Variants in CNTN4 observed in about 807,000 individuals in gnomAD.
CNTN4 encodes contactin 4.
A neutral mutation model predicts 122.5 loss-of-function variants in CNTN4; 77 were observed. That is an observed-to-expected ratio of 0.63 (90% CI 0.52 to 0.76). The LOEUF (loss-of-function observed/expected upper bound fraction) is 0.76, where lower values mean the gene tolerates loss of function less well. CNTN4 is among the 30% of genes least tolerant of loss of function. CNTN4 has a pLI of 0.00. For missense variants in CNTN4, 1,256 were observed against 1,259.1 expected (o/e 1.00, Z 0.04); for synonymous variants, 512 against 447.0 (o/e 1.15, Z -1.83).
At chr3:2,352,232 A>G (rs998963177) in intron 3 of CNTN4, among the ~76,000 whole-genome samples, 3 of 152,206 alleles carry the variant, frequency 2.0e-5, no homozygotes, top group Middle Eastern at 6.8e-3. Context: ...AGAGGTGACA[A>G]TGTGCTAGCA....
chr3:2,513,705 G>A (rs2076957553), intron 3 of CNTN4, among the ~76,000 whole-genome samples: 1 of 152,110 alleles, frequency 6.6e-6, no homozygotes, highest in African/African-American at 2.4e-5. Flanking sequence ...TTTGTAGTTT[G>A]CTTCTATTAC....
chr3:2,425,968 C>T (rs952068127), intron 3 of CNTN4, among the ~76,000 whole-genome samples: 1 of 152,150 alleles, frequency 6.6e-6, no homozygotes, highest in East Asian at 1.9e-4. Context: ...AGATTTTGGG[C>T]TGAGACAATG....
At chr3:2,400,441 ATATATATATC>A (rs1559520081) in intron 3 of CNTN4, among the ~76,000 whole-genome samples, 5 of 136,372 alleles carry the variant, frequency 3.7e-5, no homozygotes, top group Non-Finnish European at 8.1e-5. Flanking sequence ...ATATATATAT[ATATATATATC>A]TCTTTTTTTC....
At chr3:2,661,809 C>CAAAA (rs544079802) in intron 4 of CNTN4, among the ~76,000 whole-genome samples, 6 of 78,476 alleles carry the variant, frequency 7.6e-5, no homozygotes, top group Admixed American at 1.4e-4. Flanking sequence ...AATTCCATCT[C>CAAAA]AAAAAAAAAA....
intron 3 of CNTN4, among the ~76,000 whole-genome samples, chr3:2,423,274 T>C (rs531832483): frequency 2.0e-5 from 3 of 152,286 alleles, no homozygotes; most frequent in Admixed American, 6.5e-5. Context: ...AAGTGTCAAA[T>C]ACAAAGTTAT....
chr3:2,222,000 A>G (rs1459143145), intron 2 of CNTN4, among the ~76,000 whole-genome samples: 1 of 152,212 alleles, frequency 6.6e-6, no homozygotes, highest in Non-Finnish European at 1.5e-5. Context: ...ACAATTCCTC[A>G]AAATGCTAAA....
chr3:2,264,828 C>A (rs1215629042), intron 2 of CNTN4, among the ~76,000 whole-genome samples: 1 of 151,876 alleles, frequency 6.6e-6, no homozygotes, highest in East Asian at 1.9e-4. Flanking sequence ...GTTTCATTCT[C>A]CTGTATATAG....
chr3:2,736,275 T>C lies in CNTN4; in HGVS notation c.116T>C (p.Leu39Ser). 6.2e-7 allele frequency: 1 copy of C among 1,613,726 alleles called. No homozygotes were observed. The highest frequency in any genetic ancestry group is 8.5e-7 in the Non-Finnish European group (1 of 1,179,774). Reference sequence around the variant, plus strand: ...GAACCAAGTCCTGTAATGTTCCCTTTGGATTCTGAGGAGAAAAAAGTGAAG... The same window carrying C: ...GAACCAAGTCCTGTAATGTTCCCTTCGGATTCTGAGGAGAAAAAAGTGAAG... ...IQEPSPVMFP[L>S]DSEEKKVKLN... The change falls in exon 5 of 25, where the codon TTG (leucine) becomes TCG (serine). Residue 39 changes from leucine to serine, a missense_variant. By Grantham distance (145) the Leu-to-Ser change is moderately radical. Coordinates refer to ENST00000418658, the MANE Select transcript of CNTN4 (RefSeq NM_175607.3).
intron 2 of CNTN4, among the ~76,000 whole-genome samples, chr3:2,323,289 C>G (rs952978973): frequency 6.6e-6 from 1 of 152,024 alleles, no homozygotes; most frequent in African/African-American, 2.4e-5. Context: ...CTCTAAATGG[C>G]CAGGGGAGGG....
chr3:2,120,407 T>TATATATATATATA (rs1559261207), intron 2 of CNTN4, among the ~76,000 whole-genome samples: 1 of 32,726 alleles, frequency 3.1e-5, no homozygotes, highest in African/African-American at 1.1e-4. Context: ...ATATATATAT[T>TATATATATATATA]TTTTTTTTTT....
At chr3:2,157,536 G>C (rs554593712) in intron 2 of CNTN4, among the ~76,000 whole-genome samples, 1 of 152,280 alleles carries the variant, frequency 6.6e-6, no homozygotes, top group Non-Finnish European at 1.5e-5. Flanking sequence ...CTTTGGAGTA[G>C]TTTTTGGGCT....
chr3:2,601,835 A>C (rs934400456), intron 4 of CNTN4, among the ~76,000 whole-genome samples: 1 of 152,200 alleles, frequency 6.6e-6, no homozygotes, highest in Non-Finnish European at 1.5e-5. Flanking sequence ...TTGATGCAAA[A>C]ATTCTCAATA....
intron 2 of CNTN4, among the ~76,000 whole-genome samples, chr3:2,221,227 G>T (rs2039049195): frequency 1.3e-5 from 2 of 152,072 alleles, no homozygotes; most frequent in African/African-American, 4.8e-5. Flanking sequence ...AGTTTGTGGA[G>T]ATGGAAATTT....
chr3:2,240,068 C>A (rs973930558), intron 2 of CNTN4, among the ~76,000 whole-genome samples: 3 of 152,140 alleles, frequency 2.0e-5, no homozygotes, highest in African/African-American at 7.2e-5. Flanking sequence ...TCACTTGATT[C>A]TTCCAGGCTA....
chr3:2,190,659 C>G (rs1464749542), intron 2 of CNTN4, among the ~76,000 whole-genome samples: 2 of 151,936 alleles, frequency 1.3e-5, no homozygotes, highest in Non-Finnish European at 2.9e-5. Flanking sequence ...AGTTACAGGA[C>G]CCCCATTCTC....
chr3:2,315,288 C>T (rs755529983), intron 2 of CNTN4, among the ~76,000 whole-genome samples: 2 of 151,700 alleles, frequency 1.3e-5, no homozygotes, highest in African/African-American at 4.8e-5. Context: ...ATTGATTTAA[C>T]TTAGGTAATT....
chr3:2,761,709 T>C (rs1301883613), intron 6 of CNTN4, among the ~76,000 whole-genome samples: 1 of 152,038 alleles, frequency 6.6e-6, no homozygotes, highest in Admixed American at 6.6e-5. Flanking sequence ...TGTTCAGAGG[T>C]TTCAAACACA....
chr3:2,156,770 G>T (rs545040195), intron 2 of CNTN4, among the ~76,000 whole-genome samples: 2 of 152,284 alleles, frequency 1.3e-5, no homozygotes, highest in South Asian at 4.1e-4. Context: ...TGGTAGTTCT[G>T]CAGTTGAAAG....
chr3:2,650,270 T>C (rs1458433269), intron 4 of CNTN4, among the ~76,000 whole-genome samples: 4 of 151,888 alleles, frequency 2.6e-5, no homozygotes, highest in African/African-American at 9.7e-5. Flanking sequence ...GAACAAGAGT[T>C]AGAAGTGGAG....
Sources: gnomAD v4.1 joint callset for allele counts (sites outside exome capture counted in the v4.1 genomes callset) on GRCh38, gnomAD v4.1.1 for gene constraint, MANE v1.5 for transcripts, NCBI Gene and HGNC (gene_info 2026-07-23, HGNC 2026-07-21) for gene names.